The following NRXN3 variants were observed in gnomAD, a reference collection of about 807,000 sequenced individuals.
The protein encoded by NRXN3 is neurexin III.
In NRXN3, 32 loss-of-function variants were observed where a neutral mutation model predicts 137.6. That is an observed-to-expected ratio of 0.23 (90% confidence interval 0.18 to 0.31). NRXN3 has a LOEUF of 0.31. Among genes scored for constraint, NRXN3 ranks in the 10% least tolerant of loss-of-function variants. NRXN3 has a pLI of 1.00. For missense variants in NRXN3, 1,574 were observed against 2,062.5 expected, an observed-to-expected ratio of 0.76 and a Z score of 4.59; for synonymous variants, 798 against 784.5, an observed-to-expected ratio of 1.02 and a Z score of -0.29.
At chr14:79,020,135 T>A (rs1175747595) in intron 15 of NRXN3, among the ~76,000 whole-genome samples, 1 of 9,382 alleles carries the variant, frequency 1.1e-4, no homozygotes, top group East Asian at 4.1e-3. Context: ...TTCCCTTCCC[T>A]TCCCTTCCCT....
chr14:78,328,466 A>G (rs576511502), intron 4 of NRXN3, among the ~76,000 whole-genome samples: 1 of 152,218 alleles, frequency 6.6e-6, no homozygotes, highest in Non-Finnish European at 1.5e-5. Context: ...TTCAATTGAC[A>G]TAATTATTCC....
At chr14:78,624,018 T>C (rs1413399910) in intron 4 of NRXN3, among the ~76,000 whole-genome samples, 1 of 152,186 alleles carries the variant, frequency 6.6e-6, no homozygotes, top group Non-Finnish European at 1.5e-5. Context: ...GGTTATAGGG[T>C]TTGTTACCCA....
intron 15 of NRXN3, among the ~76,000 whole-genome samples, chr14:79,273,414 C>T (rs926828549): frequency 1.3e-5 from 2 of 151,828 alleles, no homozygotes; most frequent in African/African-American, 4.8e-5. Context: ...ACGAGCGGAT[C>T]ACGAGGTCAG....
rs527299291 is a variant in NRXN3 at position 79,641,153 on chromosome 14, G to A, written c.3445-22625G>A. 1.4e-4 allele frequency among the ~76,000 whole-genome samples: 18 copies of A among 133,288 alleles called. 2 individuals are homozygous for A. The highest frequency in any genetic ancestry group is 3.5e-4 in the African/African-American group (14 of 40,396). 87.4% of individuals were successfully genotyped at this position (133,288 alleles called of 152,430 possible). A position where few individuals can be genotyped will look rare whatever the true frequency, so the allele number is the denominator to read the frequency against. Reference sequence around the variant, plus strand: ...CTCCTGAGTAACTGGGATTACAGGCGCACAGCACCTCGCCTGGCTAATTCT... The same window carrying A: ...CTCCTGAGTAACTGGGATTACAGGCACACAGCACCTCGCCTGGCTAATTCT... On this transcript the variant is annotated intron_variant, in intron 16 of 20. Coordinates refer to ENST00000335750, the MANE Select transcript of NRXN3 (RefSeq NM_001330195.2).
intron 15 of NRXN3, among the ~76,000 whole-genome samples, chr14:79,145,114 C>A (rs914226775): frequency 6.6e-6 from 1 of 151,958 alleles, no homozygotes; most frequent in African/African-American, 2.4e-5. Flanking sequence ...CATCAAGGGG[C>A]GCGATTTTAG....
chr14:79,009,091 C>G (rs2099564572), intron 15 of NRXN3, among the ~76,000 whole-genome samples: 1 of 152,078 alleles, frequency 6.6e-6, no homozygotes, highest in Non-Finnish European at 1.5e-5. Context: ...GACCTTCCAG[C>G]TTATTACTGG....
chr14:79,757,434 C>CTGAT (rs779528341), intron 19 of NRXN3, among the ~76,000 whole-genome samples: 4 of 152,086 alleles, frequency 2.6e-5, no homozygotes, highest in Non-Finnish European at 5.9e-5. Flanking sequence ...GATGGGTTTC[C>CTGAT]TGATATTATT....
intron 3 of NRXN3, among the ~76,000 whole-genome samples, chr14:78,286,720 G>A (rs897173103): frequency 2.0e-5 from 3 of 152,204 alleles, no homozygotes; most frequent in African/African-American, 7.2e-5. Context: ...AGGGCAGAGA[G>A]AGGACCTAGA....
chr14:78,982,167 G>T (rs1435906069), intron 14 of NRXN3, among the ~76,000 whole-genome samples: 1 of 152,140 alleles, frequency 6.6e-6, no homozygotes, highest in African/African-American at 2.4e-5. Context: ...GCTCTTATTG[G>T]TAAATTCTAG....
At chr14:79,249,490 T>C (rs1462805430) in intron 15 of NRXN3, among the ~76,000 whole-genome samples, 6 of 152,160 alleles carry the variant, frequency 3.9e-5, no homozygotes, top group Non-Finnish European at 8.8e-5. Flanking sequence ...GTGAAAAGTC[T>C]CAATTGTCCC....
intron 10 of NRXN3, among the ~76,000 whole-genome samples, chr14:78,866,998 C>T (rs1343348696): frequency 6.6e-6 from 1 of 152,006 alleles, no homozygotes; most frequent in African/African-American, 2.4e-5. Flanking sequence ...GGGGTTTCAC[C>T]ATGTTGGCCA....
intron 16 of NRXN3, among the ~76,000 whole-genome samples, chr14:79,471,747 G>A (rs555943411): frequency 6.6e-6 from 1 of 152,226 alleles, no homozygotes; most frequent in Admixed American, 6.5e-5. Context: ...TGGGCAAAAT[G>A]AAGGCATTTG....
At chr14:78,505,841 A>G (rs7154619) in intron 4 of NRXN3, among the ~76,000 whole-genome samples, 63,294 of 151,912 alleles carry the variant, frequency 0.42, 13,374 homozygotes, top group East Asian at 0.51. Flanking sequence ...ACTTCTTGAG[A>G]TATAATTGAT....
chr14:79,310,029 A>T (rs1252108245), intron 15 of NRXN3, among the ~76,000 whole-genome samples: 1 of 130,458 alleles, frequency 7.7e-6, no homozygotes. Context: ...CTGAATGGTA[A>T]TGCCTAGGTT....
intron 8 of NRXN3, among the ~76,000 whole-genome samples, chr14:78,768,722 T>C (rs2098717127): frequency 6.6e-6 from 1 of 152,172 alleles, no homozygotes; most frequent in African/African-American, 2.4e-5. Flanking sequence ...AGTAAGCATA[T>C]AGTAAATGTT....
At chr14:79,785,427 C>T (rs1364466991) in intron 19 of NRXN3, among the ~76,000 whole-genome samples, 1 of 152,162 alleles carries the variant, frequency 6.6e-6, no homozygotes, top group Non-Finnish European at 1.5e-5. Flanking sequence ...TATTCCCATT[C>T]CTTCCTTTTT....
Position 78,810,300 on chromosome 14 carries a change from T to G in NRXN3, c.2249-18T>G. On this transcript the variant is annotated intron_variant, in intron 9 of 20. Transcript: ENST00000335750. ...TGAAGGATGCAATTTCATCTTTCAT[T>G]TATTTTTCCCCATCTAGACTGTATC... 6.7e-7 allele frequency: 1 copy of G among 1,501,104 alleles called. No individual in the cohort carries two copies. The highest frequency in any genetic ancestry group is 9.1e-7 in the Non-Finnish European group (1 of 1,099,282). 93.0% of individuals were successfully genotyped at this position (1,501,104 alleles called of 1,614,324 possible).
At chr14:78,653,299 T>C (rs1256273944) in intron 6 of NRXN3, among the ~76,000 whole-genome samples, 1 of 152,188 alleles carries the variant, frequency 6.6e-6, no homozygotes, top group East Asian at 1.9e-4. Context: ...GACTATGCAC[T>C]GTCTAGTGAA....
chr14:79,454,660 A>C (rs1175138036), intron 15 of NRXN3, among the ~76,000 whole-genome samples: 1 of 152,208 alleles, frequency 6.6e-6, no homozygotes, highest in African/African-American at 2.4e-5. Flanking sequence ...TCCTGATTTT[A>C]ATGGCAAAGG....
Sources: gnomAD v4.1 joint callset for allele counts (sites outside exome capture counted in the v4.1 genomes callset) on GRCh38, gnomAD v4.1.1 for gene constraint, MANE v1.5 for transcripts, NCBI Gene and HGNC (gene_info 2026-07-23, HGNC 2026-07-21) for gene names.